The following POLH variants were observed in gnomAD, a reference collection of about 807,000 sequenced individuals.
The protein encoded by POLH is DNA polymerase eta, also known as DNA polymerase eta transcript.
POLH carries 53 observed loss-of-function variants against 73.6 expected under a neutral mutation model. That is an observed-to-expected ratio of 0.72 (90% CI 0.58 to 0.91). The LOEUF is 0.91. POLH is among the 40% of genes least tolerant of loss of function. The pLI, the probability that POLH is intolerant of heterozygous loss-of-function variation, is 0.00. For missense variants in POLH, 768 were observed against 865.4 expected (o/e 0.89, Z 1.41); for synonymous variants, 292 against 308.5 (o/e 0.95, Z 0.56).
chr6:43,609,060 T>G (rs775639730), intron 9 of POLH, among the ~76,000 whole-genome samples: 1 of 152,156 alleles, frequency 6.6e-6, no homozygotes, highest in Non-Finnish European at 1.5e-5. Context: ...AATATTTGCT[T>G]CCTTGATTTA....
In POLH at chr6:43,614,160, C is replaced by T. The variant is rs56213129; in HGVS notation, c.1745C>T (p.Ser582Leu). ...TGTGTCCCTGTTTGTGAAGGGGTGT[C>T]GAAGCTAGAAGAATCCTCTAAAGCA... ...PGCVPVCEGV[S>L]KLEESSKATP... The change falls in exon 11 of 11, where the codon TCG (serine) becomes TTG (leucine). Residue 582 changes from serine to leucine, a missense_variant. Physicochemically the swap from Ser to Leu is moderately radical, Grantham distance 145 (BLOSUM62 -2). Coordinates refer to ENST00000372236, the MANE Select transcript of POLH (RefSeq NM_006502.3). 1.8e-4 allele frequency: 292 copies of T among 1,614,138 alleles called. 2 individuals carry two copies. The African/African-American group carries it at 3.4e-3, about 19-fold the overall frequency.
chr6:43,613,586 C>T (rs1284343307), intron 10 of POLH, 74 bp from the exon 11 acceptor site: 4 of 1,189,918 alleles, frequency 3.4e-6, no homozygotes, highest in Admixed American at 3.5e-5. Flanking sequence ...AGATACAATT[C>T]ATGGAATTAG....
chr6:43,591,998 A>T (rs1015606631), intron 4 of POLH, among the ~76,000 whole-genome samples: 3 of 151,908 alleles, frequency 2.0e-5, no homozygotes, highest in African/African-American at 7.3e-5. Flanking sequence ...ACCTATGTAC[A>T]TTTTTTTATT....
At chr6:43,578,738 A>C (rs1489815570) in intron 1 of POLH, among the ~76,000 whole-genome samples, 1 of 152,246 alleles carries the variant, frequency 6.6e-6, no homozygotes, top group Admixed American at 6.5e-5. Context: ...ATTTCAGAGT[A>C]AAAGGTTGAC....
intron 3 of POLH, among the ~76,000 whole-genome samples, chr6:43,585,459 A>G (rs1217209855): frequency 6.6e-6 from 1 of 152,086 alleles, no homozygotes; most frequent in East Asian, 1.9e-4. Flanking sequence ...CTTTTTGGTG[A>G]CCTGCCCTAT....
chr6:43,603,859 G>A (rs756294315), intron 6 of POLH, 33 bp from the exon 7 acceptor site: 2 of 1,610,170 alleles, frequency 1.2e-6, no homozygotes, highest in Non-Finnish European at 1.7e-6. Flanking sequence ...GTTATGATGT[G>A]ACCTATCAAT....
At position 43,605,447 on chromosome 6, in the gene POLH, T is replaced by TTTC. The variant is rs1561910518; in HGVS notation, c.1074+130_1074+131insCTT. On this transcript the variant is annotated intron_variant, in intron 9 of 10. Coordinates refer to ENST00000372236, the MANE Select transcript of POLH (RefSeq NM_006502.3). ...TAGGAAATATCCGTTTTCTTTCTTT[T>TTTC]TTTTTTTTTTTTTTTTTTTTGAGAC... The TTTC allele has an allele frequency of 3.1e-4, 133 of 422,472 alleles. No homozygotes were observed. In the African/African-American group the frequency reaches 3.7e-3, roughly 12 times the overall value. 26.2% of individuals were successfully genotyped at this position (422,472 alleles called of 1,614,324 possible). A position where few individuals can be genotyped will look rare whatever the true frequency, so the allele number is the denominator to read the frequency against.
In POLH at chr6:43,614,052, A is replaced by G. The variant is rs886061436; in HGVS notation, c.1637A>G (p.Asn546Ser). 2.0e-5 allele frequency: 32 copies of G among 1,614,104 alleles called. No homozygotes were observed. The highest frequency in any genetic ancestry group is 2.5e-5 in the Non-Finnish European group (30 of 1,180,056). The change falls in exon 11 of 11, where the codon AAT becomes AGT. Residue 546 changes from asparagine (N) to serine (S), a missense_variant. Asn to Ser is a conservative substitution (Grantham distance 46). Transcript: ENST00000372236. ...CTTCTAAAGCAGAAACAGCTTAATA[A>G]TTCTTCAGTTTCTTCCCCCCAACAA... ...SLLLKQKQLN[N>S]SSVSSPQQNP... is the part of the protein sequence containing the mutation.
intron 10 of POLH, among the ~76,000 whole-genome samples, chr6:43,611,950 G>C (rs555479679): frequency 6.6e-6 from 1 of 152,154 alleles, no homozygotes; most frequent in African/African-American, 2.4e-5. Context: ...CAGCTACTTG[G>C]GAGGCTGAGG....
Position 43,613,416 on chromosome 6 carries a change from A to G in POLH, c.1245-244A>G, listed in dbSNP as rs970555959. ...AAATTAGTGGTTCTCAAGACATAACATCAGCATCACCTAGGAAATTAAATT... is the reference window on the plus strand; with the variant it reads ...AAATTAGTGGTTCTCAAGACATAACGTCAGCATCACCTAGGAAATTAAATT... On this transcript the variant is annotated intron_variant, in intron 10 of 10. Coordinates refer to ENST00000372236, the MANE Select transcript of POLH (RefSeq NM_006502.3). 3.9e-5 allele frequency among the ~76,000 whole-genome samples: 6 copies of G among 152,316 alleles called. No homozygotes were observed. In the East Asian group the frequency reaches 7.7e-4, roughly 20 times the overall value.
intron 1 of POLH, among the ~76,000 whole-genome samples, chr6:43,581,117 G>T (rs1764136833): frequency 6.9e-6 from 1 of 144,288 alleles, no homozygotes; most frequent in South Asian, 2.3e-4. Context: ...GCCGGGCGGA[G>T]GGGCTCCTCA....
At chr6:43,600,771 G>A (rs998425674) in intron 5 of POLH, among the ~76,000 whole-genome samples, 2 of 152,218 alleles carry the variant, frequency 1.3e-5, no homozygotes, top group African/African-American at 4.8e-5. Context: ...GAAGAACAGT[G>A]AGGATAATGA....
intron 8 of POLH, among the ~76,000 whole-genome samples, 161 bp downstream of exon 8, chr6:43,604,899 TA>T (rs1767107959): frequency 6.6e-6 from 1 of 152,240 alleles, no homozygotes; most frequent in African/African-American, 2.4e-5. Flanking sequence ...TTATGATTAT[TA>T]CTTTTTTCTC....
At chr6:43,592,925 C>G (rs888795719) in intron 4 of POLH, among the ~76,000 whole-genome samples, 4 of 152,058 alleles carry the variant, frequency 2.6e-5, no homozygotes, top group African/African-American at 9.7e-5. Flanking sequence ...CTATGTTGCC[C>G]GGGCTGGTCT....
chr6:43,600,705 A>G (rs1381570763), intron 5 of POLH, among the ~76,000 whole-genome samples: 1 of 152,200 alleles, frequency 6.6e-6, no homozygotes, highest in Non-Finnish European at 1.5e-5. Flanking sequence ...CTCTTGAAGT[A>G]GGAATAGATG....
Position 43,582,459 on chromosome 6 carries a change from A to G in POLH, c.137+3A>G. 4 of 1,613,342 alleles carry G rather than the reference A, an allele frequency of 2.5e-6. No homozygotes were observed. Among genetic ancestry groups the G allele is most frequent in the Non-Finnish European group, 3.4e-6 (4 of 1,179,292 alleles). On this transcript the variant is annotated splice_donor_region_variant and intron_variant, in intron 2 of 10. Coordinates refer to ENST00000372236, the MANE Select transcript of POLH (RefSeq NM_006502.3). ...TACAAATCATGGAAGGGTGGTGGGTATGTATCATTGTTATTGTCACAACTA... is the reference window on the plus strand; with the variant it reads ...TACAAATCATGGAAGGGTGGTGGGTGTGTATCATTGTTATTGTCACAACTA...
rs895274732 is a variant in POLH at position 43,616,279 on chromosome 6, CAAAA to C, written c.*1735_*1738del. On this transcript the variant is annotated 3_prime_UTR_variant, in exon 11 of 11. Transcript: ENST00000372236. ...TGGGTGACAGAGCGAGACTCCGTCT[CAAAA>C]AAAAAAAAAAAAGAAAAACTTCTCT... Among the ~76,000 whole-genome samples the C allele has an allele frequency of 6.8e-5, 5 of 74,026 alleles. No individual in the cohort carries two copies. The highest frequency in any genetic ancestry group is 1.1e-4 in the Non-Finnish European group (4 of 36,456). 48.6% of individuals were successfully genotyped at this position (74,026 alleles called of 152,430 possible).
At position 43,614,491 on chromosome 6, in the gene POLH, T is replaced by C; in HGVS notation, c.2076T>C (p.Thr692=). The C allele has an allele frequency of 6.2e-7, 1 of 1,614,170 alleles. No individual in the cohort carries two copies. Among genetic ancestry groups the C allele is most frequent in the Non-Finnish European group, 8.5e-7 (1 of 1,180,030 alleles). ...ATCCCAAGAGCCCTTTGGCCTGCAC[T>C]AATAAACGCCCCAGGCCTGAGGGCA... ...KRNPKSPLAC[T]NKRPRPEGMQ... is the part of the protein sequence containing the mutation. The change falls in exon 11 of 11, where the codon ACT becomes ACC. Residue 692 remains threonine (T), a synonymous_variant. Coordinates refer to ENST00000372236, the MANE Select transcript of POLH (RefSeq NM_006502.3).
intron 3 of POLH, among the ~76,000 whole-genome samples, chr6:43,584,688 C>T (rs1764612797): frequency 6.6e-6 from 1 of 152,208 alleles, no homozygotes; most frequent in Non-Finnish European, 1.5e-5. Flanking sequence ...AACACCCCCT[C>T]CTTCCTTTCC....
Sources: allele counts gnomAD v4.1 joint callset (sites outside exome capture counted in the v4.1 genomes callset), GRCh38; gene constraint gnomAD v4.1.1; transcripts MANE v1.5; gene names NCBI Gene and HGNC (gene_info 2026-07-23, HGNC 2026-07-21).